Variants in SLC12A5 observed in about 807,000 individuals in gnomAD.
SLC12A5 encodes the protein K-Cl cotransporter 2.
SLC12A5 carries 18 observed loss-of-function variants against 124.0 expected under a neutral mutation model. The observed-to-expected ratio is 0.15, with a 90% CI of 0.10 to 0.22. SLC12A5 has a LOEUF of 0.22. Among genes scored for constraint, SLC12A5 ranks in the 10% least tolerant of loss-of-function variants. The pLI is 1.00. For synonymous variants in SLC12A5, 589 were observed against 568.0 expected (o/e 1.04, Z -0.53); for missense variants, 867 against 1,478.7 (o/e 0.59, Z 6.78).
Position 46,058,404 on chromosome 20 carries a change from C to T in SLC12A5, c.*799C>T, listed in dbSNP as rs1347185802. 5 of 398,702 alleles carry T rather than the reference C, an allele frequency of 1.3e-5. No individual in the cohort carries two copies. Among genetic ancestry groups the T allele is most frequent in the East Asian group, 3.6e-5 (1 of 28,076 alleles). The allele number at this position is 398,702 out of a possible 1,614,324, so 24.7% of individuals were successfully genotyped here. ...CCCACCCTCCTCTCCAGTCCTTTTC[C>T]GAGATGAGGTGAGACAAGGGTCCAA... On this transcript the variant is annotated 3_prime_UTR_variant, in exon 26 of 26. Transcript: ENST00000243964. The surrounding 1 kb of genome is among the most constrained non-coding windows in gnomAD (Gnocchi z 5.8).
Position 46,045,163 on chromosome 20 carries a change from C to T in SLC12A5, c.1569+23C>T, listed in dbSNP as rs765052477. ...CAGGTCAGTGTGGGAGAAGAACAGCCCACCCTCAGTAGACCAGCCAGGCCC... is the reference window on the plus strand; with the variant it reads ...CAGGTCAGTGTGGGAGAAGAACAGCTCACCCTCAGTAGACCAGCCAGGCCC... On this transcript the variant is annotated intron_variant, in intron 12 of 25. Coordinates refer to ENST00000243964, the MANE Select transcript of SLC12A5 (RefSeq NM_020708.5). This position sits in a 1 kb window ranked among gnomAD's most constrained non-coding sequence, Gnocchi z 4.9. The T allele has an allele frequency of 2.5e-5, 38 of 1,546,042 alleles. No homozygotes were observed. The Admixed American group carries it at 6.6e-4, about 27-fold the overall frequency.
chr20:46,027,094 G>GTGC (rs752370860), upstream of SLC12A5, among the ~76,000 whole-genome samples: 4 of 152,342 alleles, frequency 2.6e-5, no homozygotes, highest in East Asian at 1.9e-4. Flanking sequence ...GTAGAACACA[G>GTGC]TGCTGCTGCT....
intron 10 of SLC12A5, 28 bp from the exon 11 acceptor site, chr20:46,043,848 G>T (rs879812380): frequency 6.2e-7 from 1 of 1,613,840 alleles, no homozygotes; most frequent in East Asian, 2.2e-5. Flanking sequence ...ACTGAACCGT[G>T]GGGATTCTCC....
upstream of SLC12A5, chr20:46,029,203 G>A: frequency 7.0e-7 from 1 of 1,434,274 alleles, no homozygotes; most frequent in Non-Finnish European, 9.1e-7. Context: ...TGTGTGCGCC[G>A]GGCGGGCGGG....
intron 16 of SLC12A5, 25 bp downstream of exon 16, chr20:46,048,110 C>T: frequency 6.3e-7 from 1 of 1,583,752 alleles, no homozygotes; most frequent in African/African-American, 1.3e-5. Context: ...CACGGGTGTG[C>T]ATAAGAGTGT....
At position 46,043,693 on chromosome 20, in the gene SLC12A5, C is replaced by G. The variant is rs1435281366; in HGVS notation, c.1298C>G (p.Thr433Ser). Residue 433 changes from threonine to serine, a missense_variant, in exon 10 of 26, where the codon ACT becomes AGT. Transcript: ENST00000243964. The part of the protein sequence containing the change: ...DLRDAQKSIP[T>S]GTILAIATTS... ...AGGGATGCCCAGAAGTCAATCCCCA[C>G]TGGCACCATCCTGGCCATCGCCACC... The G allele has an allele frequency of 1.9e-6, 3 of 1,614,042 alleles. No individual in the cohort carries two copies.
rs142740233 is a variant in SLC12A5 at position 46,056,217 on chromosome 20, G to T, written c.2855G>T (p.Arg952Leu). ...AAGAATCCAGCCAACACGCGGCTCC[G>T]CCTGAACGTCCCAGAAGAGACGGCT... is the stretch of plus-strand genomic sequence containing the variant. Reference protein sequence around the residue: ...RRKNPANTRLRLNVPEETAGD... With the variant: ...RRKNPANTRLLLNVPEETAGD... Residue 952 changes from arginine to leucine, a missense_variant, in exon 22 of 26, where the codon CGC (arginine) becomes CTC (leucine). This residue lies in a region of SLC12A5 where 180 missense variants were observed against 243.6 expected (regional missense o/e 0.74). Coordinates refer to ENST00000243964, the MANE Select transcript of SLC12A5 (RefSeq NM_020708.5). This position sits in a 1 kb window ranked among gnomAD's most constrained non-coding sequence, Gnocchi z 4.3. 6.2e-7 allele frequency: 1 copy of T among 1,614,070 alleles called. No individual in the cohort carries two copies. Among genetic ancestry groups the T allele is most frequent in the African/African-American group, 1.3e-5 (1 of 74,938 alleles).
At chr20:46,035,183 C>A (rs2084486236) in intron 2 of SLC12A5, 141 bp downstream of exon 2, 1 of 993,430 alleles carries the variant, frequency 1.0e-6, no homozygotes. Flanking sequence ...GCCTCCCCAT[C>A]CCTCCTTCTC....
intron 15 of SLC12A5, 95 bp from the exon 16 acceptor site, chr20:46,047,886 A>G: frequency 3.4e-6 from 4 of 1,186,806 alleles, no homozygotes; most frequent in South Asian, 1.4e-5. Flanking sequence ...AGCCTGAGAG[A>G]TGGCTCTGCC....
Position 46,056,463 on chromosome 20 carries a change from G to T in SLC12A5, c.3009G>T (p.Lys1003Asn). The change falls in exon 23 of 26, where the codon AAG (lysine) becomes AAT (asparagine). Residue 1003 changes from lysine (K) to asparagine (N), a missense_variant. By Grantham distance (94) the Lys-to-Asn change is moderately conservative. Coordinates refer to ENST00000243964, the MANE Select transcript of SLC12A5 (RefSeq NM_020708.5). This position sits in a 1 kb window ranked among gnomAD's most constrained non-coding sequence, Gnocchi z 4.3. Reference sequence around the variant, plus strand: ...GGGAAGGGGAGACAGATCCGGAGAAGGTGCATCTCACCTGGACCAAGGACA... The same window carrying T: ...GGGAAGGGGAGACAGATCCGGAGAATGTGCATCTCACCTGGACCAAGGACA... ...PEGEGETDPE[K>N]VHLTWTKDKS... 6.2e-7 allele frequency: 1 copy of T among 1,614,182 alleles called. No individual in the cohort carries two copies. The highest frequency in any genetic ancestry group is 8.5e-7 in the Non-Finnish European group (1 of 1,180,012).
rs1448346361 is a variant in SLC12A5 at position 46,059,500 on chromosome 20, C to T, written c.*1895C>T. On this transcript the variant is annotated 3_prime_UTR_variant, in exon 26 of 26. Transcript: ENST00000243964. Reference sequence around the variant, plus strand: ...GAACACCACAGCCAGGTCCTGCCTTCTGGGGGCCTGAATATTCCAGAGCTG... The same window carrying T: ...GAACACCACAGCCAGGTCCTGCCTTTTGGGGGCCTGAATATTCCAGAGCTG... 2.5e-6 allele frequency: 1 copy of T among 398,872 alleles called. No homozygotes were observed. The highest frequency in any genetic ancestry group is 4.4e-6 in the Non-Finnish European group (1 of 226,030). 24.7% of individuals were successfully genotyped at this position (398,872 alleles called of 1,614,324 possible).
Position 46,048,025 on chromosome 20 carries a change from G to T in SLC12A5, c.1952G>T (p.Ser651Ile). 1.2e-6 allele frequency: 2 copies of T among 1,613,054 alleles called. No individual in the cohort carries two copies. Among genetic ancestry groups the T allele is most frequent in the Non-Finnish European group, 1.7e-6 (2 of 1,179,582 alleles). The change falls in exon 16 of 26, where the codon AGT becomes ATT. Residue 651 changes from serine to isoleucine, a missense_variant. By Grantham distance (142) the Ser-to-Ile change is moderately radical. This residue lies in a region of SLC12A5 where 152 missense variants were observed against 358.7 expected (regional missense o/e 0.42). Transcript: ENST00000243964. ...WGDGIRGLSL[S>I]AARYALLRLE... ...GATGGGATACGAGGTCTGTCTCTCA[G>T]TGCGGCTCGCTATGCCCTCTTACGC...
chr20:46,034,542 C>T (rs953961152), intron 1 of SLC12A5, among the ~76,000 whole-genome samples: 3 of 152,204 alleles, frequency 2.0e-5, no homozygotes, highest in African/African-American at 4.8e-5. Context: ...GAGGGGGTCA[C>T]TTCTTCAAGA....
At position 46,057,131 on chromosome 20, in the gene SLC12A5, C is replaced by G. The variant is rs144111026; in HGVS notation, c.3126-39C>G. Reference sequence around the variant, plus strand: ...GACTGGCTCCAATCTTCTCTACCCCCCCGGCTCACGCGGTCTCCACTCCTC... The same window carrying G: ...GACTGGCTCCAATCTTCTCTACCCCGCCGGCTCACGCGGTCTCCACTCCTC... On this transcript the variant is annotated intron_variant, in intron 24 of 25. Transcript: ENST00000243964. This position sits in a 1 kb window ranked among gnomAD's most constrained non-coding sequence, Gnocchi z 7.1. The G allele has an allele frequency of 1.2e-5, 19 of 1,612,026 alleles. No individual in the cohort carries two copies. The highest frequency in any genetic ancestry group is 1.7e-5 in the Admixed American group (1 of 60,010).
intron 7 of SLC12A5, 178 bp from the exon 8 acceptor site, chr20:46,041,151 T>C (rs1248948338): frequency 3.8e-6 from 2 of 531,598 alleles, no homozygotes; most frequent in Non-Finnish European, 6.5e-6. Context: ...TAGAATCACT[T>C]GGGGAGCTTA....
rs150192950 is a variant in SLC12A5 at position 46,057,601 on chromosome 20, C to A, written c.3347C>A (p.Ser1116Tyr). 28 of 1,612,944 alleles carry A rather than the reference C, an allele frequency of 1.7e-5. No individual in the cohort carries two copies. In the African/African-American group the frequency reaches 3.6e-4, roughly 21 times the overall value. The change falls in exon 26 of 26, where the codon TCC (serine) becomes TAC (tyrosine). Residue 1116 changes from serine to tyrosine, a missense_variant. Transcript: ENST00000243964. The surrounding 1 kb of genome is among the most constrained non-coding windows in gnomAD (Gnocchi z 7.1). The part of the protein sequence containing the change: ...GGGREVITIY[S>Y] ...GGCCGCGAGGTCATCACCATCTACT[C>A]CTGAGAACCAGGACCTGCCACCCGG...
chr20:46,057,797 C>T lies in SLC12A5; in HGVS notation c.*192C>T. 1 of 550,080 alleles carries T rather than the reference C, an allele frequency of 1.8e-6. No individual in the cohort carries two copies. Among genetic ancestry groups the T allele is most frequent in the Non-Finnish European group, 3.2e-6 (1 of 315,116 alleles). The allele number at this position is 550,080 out of a possible 1,614,324, so 34.1% of individuals were successfully genotyped here. ...GAGAGGGCGCCCCGCCGCGCAGAGACCAGAGCTCCTCAGTGCCAGTTTGGC... is the reference window on the plus strand; with the variant it reads ...GAGAGGGCGCCCCGCCGCGCAGAGATCAGAGCTCCTCAGTGCCAGTTTGGC... On this transcript the variant is annotated 3_prime_UTR_variant, in exon 26 of 26. Coordinates refer to ENST00000243964, the MANE Select transcript of SLC12A5 (RefSeq NM_020708.5). The surrounding 1 kb of genome is among the most constrained non-coding windows in gnomAD (Gnocchi z 7.1).
chr20:46,059,046 AGCCTG>A lies in SLC12A5; in HGVS notation c.*1443_*1447del, dbSNP rs1195762448. 1 of 286,458 alleles carries A rather than the reference AGCCTG, an allele frequency of 3.5e-6. No homozygotes were observed. The highest frequency in any genetic ancestry group is 2.2e-5 in the African/African-American group (1 of 46,214). 17.7% of individuals were successfully genotyped at this position (286,458 alleles called of 1,614,324 possible). ...TCATCCTTGGCCCTTCCGCTCCACCAGCCTGGTCTGAGGCGTGCTCTGTCCTTAGA... is the reference window on the plus strand; with the variant it reads ...TCATCCTTGGCCCTTCCGCTCCACCAGTCTGAGGCGTGCTCTGTCCTTAGA... On this transcript the variant is annotated 3_prime_UTR_variant, in exon 26 of 26. Transcript: ENST00000243964.
rs775073466 is a variant in SLC12A5, at chr20:46,053,000, C to G, written c.2421C>G (p.Val807=). Residue 807 remains valine (V), a synonymous_variant, in exon 19 of 26, where the codon GTC becomes GTG. Transcript: ENST00000243964. ...CAGCTGGCCACTTAGCCCTGCTGGTCACCAAGAACGTTTCCATGTTTCCTG... is the reference window on the plus strand; with the variant it reads ...CAGCTGGCCACTTAGCCCTGCTGGTGACCAAGAACGTTTCCATGTTTCCTG... The part of the protein sequence containing the change: ...ETTAGHLALL[V]TKNVSMFPGN... 1 of 1,614,048 alleles carries G rather than the reference C, an allele frequency of 6.2e-7. No homozygotes were observed. The highest frequency in any genetic ancestry group is 8.5e-7 in the Non-Finnish European group (1 of 1,179,932).
Sources: allele counts gnomAD v4.1 joint callset (sites outside exome capture counted in the v4.1 genomes callset), GRCh38; gene constraint gnomAD v4.1.1; regional missense constraint gnomAD v4.1.1; non-coding constraint Gnocchi (gnomAD v3.1); transcripts MANE v1.5; gene names NCBI Gene and HGNC (gene_info 2026-07-23, HGNC 2026-07-21).